TSHZ3: variants seen among roughly 807,000 people sequenced by gnomAD.
TSHZ3 encodes the protein teashirt zinc finger homeobox 3.
A neutral mutation model predicts 64.5 loss-of-function variants in TSHZ3; 10 were observed. The observed-to-expected ratio is 0.16, with a 90% CI of 0.10 to 0.26. The LOEUF is 0.26. Ranked by LOEUF, TSHZ3 falls within the 10% of genes least tolerant of loss-of-function variation. The pLI, the probability that TSHZ3 is intolerant of heterozygous loss-of-function variation, is 1.00. For synonymous variants in TSHZ3, 608 were observed against 593.1 expected (o/e 1.03, Z -0.36); for missense variants, 1,242 against 1,421.7 (o/e 0.87, Z 2.03).
rs868240929 is a variant in TSHZ3, at chr19:31,301,462, G to A, written c.41-21710C>T. ...CTGGGGCTGTGCACTCAAACACCTC[G>A]CCCTGGTCACGCCGTCTTGTCCACA... On this transcript the variant is annotated intron_variant, in intron 1 of 1. Coordinates refer to ENST00000240587, the MANE Select transcript of TSHZ3 (RefSeq NM_020856.4). 3.3e-5 allele frequency among the ~76,000 whole-genome samples: 5 copies of A among 152,272 alleles called. No homozygotes were observed. In the Middle Eastern group the frequency reaches 0.01, roughly 311 times the overall value.
chr19:31,152,104 C>T (rs1186767891), intron 6 of TSHZ3, among the ~76,000 whole-genome samples: 2 of 151,468 alleles, frequency 1.3e-5, no homozygotes, highest in Admixed American at 1.3e-4. Context: ...CTAGACAGTT[C>T]TACAGATGAA....
chr19:31,261,830 A>G (rs972342635), intron 1 of TSHZ3, among the ~76,000 whole-genome samples: 1 of 152,172 alleles, frequency 6.6e-6, no homozygotes, highest in Non-Finnish European at 1.5e-5. Flanking sequence ...GCACGTGCAG[A>G]GATAAATTTC....
chr19:31,298,005 G>A (rs1280842718), intron 1 of TSHZ3, among the ~76,000 whole-genome samples: 1 of 152,140 alleles, frequency 6.6e-6, no homozygotes, highest in East Asian at 1.9e-4. Context: ...GGGTCAGTGG[G>A]CCACCACCTC....
chr19:31,195,653 C>T (rs917880915), intron 5 of TSHZ3: 6 of 151,824 alleles, frequency 4.0e-5, no homozygotes, highest in Non-Finnish European at 8.8e-5. Flanking sequence ...ATAGGTCAGA[C>T]ACTTGGATCT....
chr19:31,348,977 G>T, intron 1 of TSHZ3: 1 of 601,878 alleles, frequency 1.7e-6, no homozygotes, highest in Non-Finnish European at 2.7e-6. Context: ...GGTGCGAGAG[G>T]GAAGAGGGCA....
chr19:31,254,221 C>A (rs1287427778), intron 1 of TSHZ3, among the ~76,000 whole-genome samples: 1 of 152,210 alleles, frequency 6.6e-6, no homozygotes, highest in Non-Finnish European at 1.5e-5. Flanking sequence ...GCTCCATCCA[C>A]TTGCATGAGG....
intron 4 of TSHZ3, among the ~76,000 whole-genome samples, chr19:31,205,379 A>G (rs748741884): frequency 2.6e-5 from 4 of 152,184 alleles, no homozygotes; most frequent in Non-Finnish European, 5.9e-5. Flanking sequence ...TTATGGACAG[A>G]GCTGACTGTA....
At chr19:31,284,453 T>G (rs566123487) in intron 1 of TSHZ3, among the ~76,000 whole-genome samples, 34 of 152,220 alleles carry the variant, frequency 2.2e-4, no homozygotes, top group Non-Finnish European at 1.0e-4. Context: ...AACTTCCCAC[T>G]GGGCTCGGAA....
intron 1 of TSHZ3, among the ~76,000 whole-genome samples, chr19:31,321,444 G>A (rs1449542480): frequency 6.6e-6 from 1 of 152,204 alleles, no homozygotes. Context: ...GTTTTTAACT[G>A]CCCACCTAGC....
chr19:31,211,119 A>G (rs1027392545), intron 4 of TSHZ3, among the ~76,000 whole-genome samples: 2 of 152,238 alleles, frequency 1.3e-5, no homozygotes, highest in African/African-American at 2.4e-5. Flanking sequence ...TGCTATTTTC[A>G]AAGTCCATTT....
At chr19:31,175,942 T>C (rs1349115255) in intron 5 of TSHZ3, among the ~76,000 whole-genome samples, 1 of 152,194 alleles carries the variant, frequency 6.6e-6, no homozygotes, top group Non-Finnish European at 1.5e-5. Context: ...GCCCTACCCT[T>C]AGGAGCCTAT....
downstream of TSHZ3, among the ~76,000 whole-genome samples, chr19:31,274,600 C>T (rs1976193306): frequency 6.6e-6 from 1 of 152,098 alleles, no homozygotes; most frequent in East Asian, 1.9e-4. Context: ...GAGATCAAAC[C>T]CCAGACCCCC....
intron 1 of TSHZ3, among the ~76,000 whole-genome samples, chr19:31,268,112 TC>T (rs1207926206): frequency 6.6e-6 from 1 of 152,100 alleles, no homozygotes; most frequent in Non-Finnish European, 1.5e-5. Context: ...AAATGGGAGT[TC>T]CCCTGCCCAT....
intron 5 of TSHZ3, among the ~76,000 whole-genome samples, chr19:31,161,460 C>A (rs1478520631): frequency 2.0e-5 from 3 of 152,212 alleles, no homozygotes; most frequent in African/African-American, 4.8e-5. Context: ...CCTATGCTAA[C>A]ATCACCAGTT....
intron 1 of TSHZ3, among the ~76,000 whole-genome samples, chr19:31,344,364 T>C (rs1000059824): frequency 6.6e-6 from 1 of 152,126 alleles, no homozygotes; most frequent in Non-Finnish European, 1.5e-5. Flanking sequence ...CACAGAAGGG[T>C]AGACACACAC....
intron 1 of TSHZ3, among the ~76,000 whole-genome samples, chr19:31,247,901 C>T (rs923695592): frequency 3.3e-5 from 5 of 152,164 alleles, no homozygotes; most frequent in South Asian, 4.1e-4. Context: ...TCTGTTTTCA[C>T]GCTGCTGATA....
chr19:31,341,675 C>T (rs1276403985), intron 1 of TSHZ3, among the ~76,000 whole-genome samples: 3 of 142,770 alleles, frequency 2.1e-5, no homozygotes, highest in African/African-American at 2.7e-5. Context: ...ACACACAGCA[C>T]TTCCCACAGT....
intron 3 of TSHZ3, among the ~76,000 whole-genome samples, chr19:31,242,084 A>C (rs1313595674): frequency 6.6e-6 from 1 of 152,188 alleles, no homozygotes; most frequent in Non-Finnish European, 1.5e-5. Context: ...TTTGAAATGC[A>C]TACTTCTCTA....
chr19:31,263,648 C>T (rs1369579678), intron 1 of TSHZ3, among the ~76,000 whole-genome samples: 3 of 152,140 alleles, frequency 2.0e-5, no homozygotes, highest in Non-Finnish European at 4.4e-5. Context: ...ACAGTGTGCC[C>T]TGCAGCAGGC....
Sources: gnomAD v4.1 joint callset for allele counts (sites outside exome capture counted in the v4.1 genomes callset) on GRCh38, gnomAD v4.1.1 for gene constraint, MANE v1.5 for transcripts, NCBI Gene and HGNC (gene_info 2026-07-23, HGNC 2026-07-21) for gene names.